Variants in FAAH2 observed in about 807,000 individuals in gnomAD.
FAAH2 encodes fatty-acid amide hydrolase 2.
Under a neutral mutation model 36.9 loss-of-function variants are expected in FAAH2, and 60 were observed. The ratio of observed to expected loss-of-function variants is 1.63; its 90% CI spans 1.32 to 2.02. The LOEUF is 2.02. FAAH2 is among the 30% of genes most tolerant of loss of function. The probability of loss-of-function intolerance (pLI) is 0.00; values close to 1 mark genes in which losing one functional copy is unlikely to be tolerated. For missense variants in FAAH2, 689 were observed against 397.5 expected (o/e 1.73, Z -6.23); for synonymous variants, 214 against 143.8 (o/e 1.49, Z -3.49).
chrX:57,296,613 C>G (rs2052168782), intron 2 of FAAH2, among the ~76,000 whole-genome samples: 1 of 111,812 alleles, frequency 8.9e-6, no homozygotes, highest in African/African-American at 3.3e-5. Context: ...GAATGACTTT[C>G]ACGAGTTCAG....
At chrX:57,215,829 G>A in the FAAH2 span, among the ~76,000 whole-genome samples, 5 of 107,048 alleles carry the variant, frequency 4.7e-5, no homozygotes, top group East Asian at 9.0e-4. Flanking sequence ...GTGGGGGCAA[G>A]GGGAAGGAGA....
At chrX:57,128,796 A>C in the FAAH2 span, among the ~76,000 whole-genome samples, 1 of 111,987 alleles carries the variant, frequency 8.9e-6, no homozygotes, top group Non-Finnish European at 1.9e-5. Flanking sequence ...ACAATACTAG[A>C]ATGAATTAGA....
At chrX:57,350,014 A>C (rs2053956773) in intron 5 of FAAH2, among the ~76,000 whole-genome samples, 1 of 110,863 alleles carries the variant, frequency 9.0e-6, no homozygotes. Flanking sequence ...AGAGAAAGTC[A>C]TCTATTTACC....
intron 7 of FAAH2, among the ~76,000 whole-genome samples, chrX:57,404,525 G>A (rs1047982992): frequency 1.8e-5 from 2 of 111,658 alleles, no homozygotes; most frequent in Non-Finnish European, 3.8e-5. Context: ...GGGTGGTAGG[G>A]AATGGGTCCC....
intron 8 of FAAH2, among the ~76,000 whole-genome samples, chrX:57,442,573 T>G (rs772494210): frequency 8.9e-6 from 1 of 112,250 alleles, no homozygotes; most frequent in African/African-American, 3.2e-5. Context: ...AATTTGCCAG[T>G]CTGTGTCTTT....
At chrX:57,333,194 C>A (rs2053453507) in intron 4 of FAAH2, among the ~76,000 whole-genome samples, 1 of 111,540 alleles carries the variant, frequency 9.0e-6, no homozygotes, top group Admixed American at 9.5e-5. Context: ...AACTCAAAGA[C>A]AACAGAGGAG....
intron 10 of FAAH2, among the ~76,000 whole-genome samples, chrX:57,458,610 T>C (rs758561354): frequency 2.7e-5 from 3 of 112,202 alleles, no homozygotes; most frequent in Non-Finnish European, 5.6e-5. Context: ...GGGGAGTGAC[T>C]TCTGCATTTG....
At chrX:57,462,771 C>A (rs905506522) in intron 10 of FAAH2, among the ~76,000 whole-genome samples, 1 of 112,502 alleles carries the variant, frequency 8.9e-6, no homozygotes, top group Admixed American at 9.4e-5. Flanking sequence ...CCGTCTCTCA[C>A]CATTCCTATT....
intron 10 of FAAH2, among the ~76,000 whole-genome samples, chrX:57,462,608 C>A (rs972946854): frequency 5.4e-5 from 6 of 112,132 alleles, no homozygotes; most frequent in African/African-American, 1.6e-4. Flanking sequence ...AAATTAAACA[C>A]CGCTTCATTC....
At chrX:57,257,056 A>T in the FAAH2 span, among the ~76,000 whole-genome samples, 1 of 112,259 alleles carries the variant, frequency 8.9e-6, no homozygotes, top group Non-Finnish European at 1.9e-5. Flanking sequence ...GATGCTGGAG[A>T]GGTGTGGAAA....
chrX:57,303,638 C>G (rs1375711261), intron 2 of FAAH2, among the ~76,000 whole-genome samples: 1 of 111,767 alleles, frequency 8.9e-6, no homozygotes, highest in Admixed American at 9.6e-5. Flanking sequence ...GGTTATATAA[C>G]CACCTCAGAT....
intron 10 of FAAH2, among the ~76,000 whole-genome samples, chrX:57,462,771 C>T (rs905506522): frequency 1.8e-5 from 2 of 112,502 alleles, no homozygotes; most frequent in African/African-American, 3.2e-5. Flanking sequence ...CCGTCTCTCA[C>T]CATTCCTATT....
At chrX:57,442,011 A>G (rs1193420657) in intron 8 of FAAH2, among the ~76,000 whole-genome samples, 6 of 111,605 alleles carry the variant, frequency 5.4e-5, no homozygotes, top group African/African-American at 2.0e-4. Context: ...CATTTGCTGA[A>G]GAGTACTTTA....
chrX:57,229,730 C>A, the FAAH2 span, among the ~76,000 whole-genome samples: 1 of 111,414 alleles, frequency 9.0e-6, no homozygotes, highest in Non-Finnish European at 1.9e-5. Flanking sequence ...TGACACCAAA[C>A]CCCCACTTTC....
At chrX:57,193,222 C>G in the FAAH2 span, among the ~76,000 whole-genome samples, 1 of 111,496 alleles carries the variant, frequency 9.0e-6, no homozygotes, top group African/African-American at 3.3e-5. Flanking sequence ...TTGGGTGTGG[C>G]CATCTTCTAT....
At chrX:57,359,328 T>C (rs58922242) in intron 5 of FAAH2, among the ~76,000 whole-genome samples, 3,110 of 111,520 alleles carry the variant, frequency 0.028, 124 homozygotes, top group African/African-American at 0.096. Context: ...AGGTATGTTG[T>C]AATTTAATTT....
intron 10 of FAAH2, among the ~76,000 whole-genome samples, chrX:57,473,581 C>T (rs1381919894): frequency 9.0e-6 from 1 of 111,062 alleles, no homozygotes; most frequent in African/African-American, 3.3e-5. Context: ...TGATTTTCTG[C>T]CTTGATTATC....
At chrX:57,290,889 G>C (rs1163785874) in intron 1 of FAAH2, among the ~76,000 whole-genome samples, 1 of 111,508 alleles carries the variant, frequency 9.0e-6, no homozygotes, top group African/African-American at 3.3e-5. Context: ...TTACCTCTTA[G>C]ATCCATTGGT....
the FAAH2 span, among the ~76,000 whole-genome samples, chrX:57,159,222 A>G: frequency 8.9e-6 from 1 of 111,756 alleles, no homozygotes; most frequent in Admixed American, 9.5e-5. Context: ...TACCAGTACC[A>G]TGCTGTTTTG....
Sources: gnomAD v4.1 joint callset for allele counts (sites outside exome capture counted in the v4.1 genomes callset) on GRCh38, gnomAD v4.1.1 for gene constraint, MANE v1.5 for transcripts, NCBI Gene and HGNC (gene_info 2026-07-23, HGNC 2026-07-21) for gene names.